The following DNM3 variants were observed in gnomAD, a reference collection of about 807,000 sequenced individuals.
DNM3 encodes the protein dynamin 3.
A neutral mutation model predicts 101.6 loss-of-function variants in DNM3; 47 were observed. The observed-to-expected ratio is 0.46, with a 90% confidence interval of 0.37 to 0.59. The LOEUF (loss-of-function observed/expected upper bound fraction) is 0.59. Among genes scored for constraint, DNM3 ranks in the 20% least tolerant of loss-of-function variants. DNM3 has a pLI of 0.00. For missense variants in DNM3, 849 were observed against 1,085.7 expected (o/e 0.78, Z 3.06); for synonymous variants, 385 against 387.9 (o/e 0.99, Z 0.09).
chr1:172,316,418 A>G (rs2065357895), intron 16 of DNM3, among the ~76,000 whole-genome samples: 1 of 152,144 alleles, frequency 6.6e-6, no homozygotes, highest in Non-Finnish European at 1.5e-5. Context: ...AGGACTAAAT[A>G]TCCCAATTAA....
intron 14 of DNM3, among the ~76,000 whole-genome samples, chr1:172,185,006 TA>T (rs2059473558): frequency 6.6e-6 from 1 of 151,884 alleles, no homozygotes; most frequent in Non-Finnish European, 1.5e-5. Context: ...GGAATAGAAG[TA>T]AAGTGATTTG....
chr1:172,356,534 C>T (rs963418439), intron 17 of DNM3, among the ~76,000 whole-genome samples: 52 of 151,904 alleles, frequency 3.4e-4, no homozygotes, highest in African/African-American at 1.2e-3. Flanking sequence ...ATGAAAGAGC[C>T]ATAGACTCCT....
intron 14 of DNM3, among the ~76,000 whole-genome samples, chr1:172,142,621 G>A (rs921464978): frequency 2.0e-5 from 3 of 151,614 alleles, no homozygotes; most frequent in Admixed American, 1.3e-4. Context: ...AATAGGTGAG[G>A]GACCCATAGG....
At chr1:171,861,516 T>G (rs1226442208) in intron 1 of DNM3, among the ~76,000 whole-genome samples, 1 of 152,104 alleles carries the variant, frequency 6.6e-6, no homozygotes, top group Non-Finnish European at 1.5e-5. Flanking sequence ...CAAATGGTAC[T>G]GGGACAGCAG....
intron 10 of DNM3, among the ~76,000 whole-genome samples, chr1:172,050,727 G>T (rs1463202989): frequency 2.0e-5 from 3 of 152,180 alleles, no homozygotes; most frequent in Admixed American, 2.0e-4. Flanking sequence ...GGAAATCATA[G>T]ATGAAGGATG....
intron 10 of DNM3, among the ~76,000 whole-genome samples, chr1:172,058,559 C>G (rs1170857647): frequency 6.6e-6 from 1 of 152,174 alleles, no homozygotes; most frequent in Non-Finnish European, 1.5e-5. Context: ...AACCCCTCAA[C>G]TACATGGAAA....
At chr1:171,875,681 A>C (rs1223345272) in intron 1 of DNM3, among the ~76,000 whole-genome samples, 1 of 152,166 alleles carries the variant, frequency 6.6e-6, no homozygotes, top group Non-Finnish European at 1.5e-5. Flanking sequence ...CGAAATTATA[A>C]AAATAGTAGT....
At chr1:171,891,936 AGT>A (rs1168046866) in intron 1 of DNM3, among the ~76,000 whole-genome samples, 1 of 152,178 alleles carries the variant, frequency 6.6e-6, no homozygotes, top group Admixed American at 6.6e-5. Flanking sequence ...ATCTCCAGAG[AGT>A]GTATTGTATT....
At chr1:172,049,356 A>C (rs1001129929) in intron 10 of DNM3, among the ~76,000 whole-genome samples, 1 of 152,194 alleles carries the variant, frequency 6.6e-6, no homozygotes, top group Non-Finnish European at 1.5e-5. Context: ...ATTAAACAAG[A>C]TGATGCCTGA....
intron 15 of DNM3, among the ~76,000 whole-genome samples, chr1:172,297,559 A>G (rs2064228026): frequency 6.6e-6 from 1 of 152,102 alleles, no homozygotes; most frequent in Non-Finnish European, 1.5e-5. Flanking sequence ...TTTAAAAATC[A>G]TTTTATAATT....
chr1:172,101,792 A>C (rs893691401), intron 13 of DNM3, among the ~76,000 whole-genome samples: 1 of 152,198 alleles, frequency 6.6e-6, no homozygotes, highest in African/African-American at 2.4e-5. Flanking sequence ...TGTAAATTTC[A>C]TCAAGCATCT....
At chr1:172,106,554 A>G (rs1447763164) in intron 13 of DNM3, among the ~76,000 whole-genome samples, 5 of 152,150 alleles carry the variant, frequency 3.3e-5, no homozygotes, top group Non-Finnish European at 7.4e-5. Flanking sequence ...AAGTTTCCCT[A>G]TGTAACAAAC....
chr1:172,217,281 G>A (rs2060736072), intron 14 of DNM3, among the ~76,000 whole-genome samples: 1 of 152,010 alleles, frequency 6.6e-6, no homozygotes, highest in Non-Finnish European at 1.5e-5. Flanking sequence ...TTTGCTGCTG[G>A]TCCCTGTCCC....
At chr1:172,107,769 C>T (rs1213616241) in intron 13 of DNM3, among the ~76,000 whole-genome samples, 1 of 152,128 alleles carries the variant, frequency 6.6e-6, no homozygotes, top group Non-Finnish European at 1.5e-5. Context: ...GAAATTAAAT[C>T]CTCTGAAAAT....
At chr1:172,363,550 C>T (rs1474986978) in intron 17 of DNM3, among the ~76,000 whole-genome samples, 1 of 151,886 alleles carries the variant, frequency 6.6e-6, no homozygotes, top group African/African-American at 2.4e-5. Context: ...TAGAAACCCA[C>T]TTGATTCAGA....
chr1:172,276,098 C>T (rs561542663), intron 15 of DNM3, among the ~76,000 whole-genome samples: 106 of 151,998 alleles, frequency 7.0e-4, no homozygotes, highest in Non-Finnish European at 1.3e-3. Flanking sequence ...TAGCAAGCCT[C>T]CCCCCATTTC....
At chr1:172,045,388 C>T (rs1369802181) in intron 9 of DNM3, among the ~76,000 whole-genome samples, 1 of 152,034 alleles carries the variant, frequency 6.6e-6, no homozygotes, top group Non-Finnish European at 1.5e-5. Flanking sequence ...CCTTTTCTGG[C>T]CTGCACAGTG....
At chr1:172,145,606 G>A (rs2057850534) in intron 14 of DNM3, among the ~76,000 whole-genome samples, 1 of 152,080 alleles carries the variant, frequency 6.6e-6, no homozygotes, top group African/African-American at 2.4e-5. Flanking sequence ...GTTTCCCTCA[G>A]CTATTTTGGC....
intron 13 of DNM3, among the ~76,000 whole-genome samples, chr1:172,124,207 A>G (rs1352031101): frequency 6.6e-6 from 1 of 152,212 alleles, no homozygotes; most frequent in African/African-American, 2.4e-5. Flanking sequence ...GTGAATATGA[A>G]TCCTCTCCTA....
Sources: gnomAD v4.1 joint callset for allele counts (sites outside exome capture counted in the v4.1 genomes callset) on GRCh38, gnomAD v4.1.1 for gene constraint, MANE v1.5 for transcripts, NCBI Gene and HGNC (gene_info 2026-07-23, HGNC 2026-07-21) for gene names.